Variants in LINGO1 observed in about 807,000 individuals in gnomAD.
The protein encoded by LINGO1 is leucine rich repeat and Ig domain containing 1.
LINGO1 carries 11 observed loss-of-function variants against 37.3 expected under a neutral mutation model. That is an observed-to-expected ratio of 0.29 (90% confidence interval 0.19 to 0.49). The LOEUF (loss-of-function observed/expected upper bound fraction) is 0.49, where lower values mean the gene tolerates loss of function less well. LINGO1 is among the 20% of genes least tolerant of loss of function. LINGO1 has a pLI of 0.99. For synonymous variants in LINGO1, 387 were observed against 403.0 expected (o/e 0.96, Z 0.48); for missense variants, 585 against 878.2 (o/e 0.67, Z 4.22).
Position 77,631,086 on chromosome 15 carries a change from C to T in LINGO1, c.6+1224G>A, listed in dbSNP as rs138183894. 3.9e-4 allele frequency among the ~76,000 whole-genome samples: 60 copies of T among 152,324 alleles called. No individual in the cohort carries two copies. In the East Asian group the frequency reaches 0.01, roughly 26 times the overall value. On this transcript the variant is annotated intron_variant, in intron 1 of 1. Transcript: ENST00000355300. ...CACTCTGCGCTGGATCTGGGGAAGC[C>T]CCAGGCTCTCTGCCGCCTGGGTGTC... is the stretch of plus-strand genomic sequence containing the variant.
Position 77,614,433 on chromosome 15 carries a change from T to C in LINGO1, c.1474A>G (p.Asn492Asp). Residue 492 changes from asparagine (N) to aspartate (D), a missense_variant, in exon 2 of 2, where the codon AAC becomes GAC. Physicochemically the swap from Asn to Asp is conservative, Grantham distance 23 (BLOSUM62 1). Coordinates refer to ENST00000355300, the MANE Select transcript of LINGO1 (RefSeq NM_032808.7). Reference protein sequence around the residue: ...LEVRYAQVQDNGTYLCIAANA... With the variant: ...LEVRYAQVQDDGTYLCIAANA... ...GCCGCGATGCACAGGTACGTGCCGTTGTCCTGTACCTGGGCGTAGCGCACC... is the reference window on the plus strand; with the variant it reads ...GCCGCGATGCACAGGTACGTGCCGTCGTCCTGTACCTGGGCGTAGCGCACC... 2 of 1,611,990 alleles carry C rather than the reference T, an allele frequency of 1.2e-6. No homozygotes were observed. The highest frequency in any genetic ancestry group is 1.7e-6 in the Non-Finnish European group (2 of 1,179,792).
chr15:77,673,330 G>T (rs1483703595), intron 3 of LINGO1, among the ~76,000 whole-genome samples: 4 of 151,820 alleles, frequency 2.6e-5, no homozygotes, highest in African/African-American at 9.7e-5. Flanking sequence ...ATAATGATTT[G>T]CACATATGCC....
intron 3 of LINGO1, among the ~76,000 whole-genome samples, chr15:77,639,994 G>A (rs181923873): frequency 1.4e-4 from 22 of 152,250 alleles, no homozygotes; most frequent in Admixed American, 2.6e-4. Flanking sequence ...GCAACGCTAT[G>A]GGCTCCCTTC....
In LINGO1 at chr15:77,619,702, TAAATAAAATAAAATAAAATA is replaced by T. The variant is rs138166574; in HGVS notation, c.7-3822_7-3803del. On this transcript the variant is annotated intron_variant, in intron 1 of 1. Coordinates refer to ENST00000355300, the MANE Select transcript of LINGO1 (RefSeq NM_032808.7). Reference sequence around the variant, plus strand: ...ACTCTCCATCTGTAAAAACAATAAATAAATAAAATAAAATAAAATAAAATAAAATAAAATAAAATAAAAAA... The same window carrying T: ...ACTCTCCATCTGTAAAAACAATAAATAAATAAAATAAAATAAAATAAAAAA... Among the ~76,000 whole-genome samples, 1,361 of 147,108 alleles carry T rather than the reference TAAATAAAATAAAATAAAATA, an allele frequency of 9.3e-3. 18 individuals are homozygous for T. The highest frequency in any genetic ancestry group is 0.028 in the African/African-American group (1,112 of 39,652).
intron 1 of LINGO1, among the ~76,000 whole-genome samples, chr15:77,776,518 A>AAGGCAGGAAGGGAGTAAGGGAGGG (rs1567577722): frequency 2.0e-5 from 1 of 49,578 alleles, no homozygotes; most frequent in African/African-American, 7.8e-5. Context: ...GGAAGGCAGG[A>AAGGCAGGAAGGGAGTAAGGGAGGG]AGGGAGGAAG....
At chr15:77,676,148 C>T (rs2075324123) in intron 3 of LINGO1, among the ~76,000 whole-genome samples, 1 of 152,358 alleles carries the variant, frequency 6.6e-6, no homozygotes, top group African/African-American at 2.4e-5. Context: ...CAGCCTGCGG[C>T]AGCTGGGGGA....
chr15:77,810,110 A>T (rs571813532), intron 1 of LINGO1, among the ~76,000 whole-genome samples: 17 of 152,036 alleles, frequency 1.1e-4, no homozygotes, highest in Non-Finnish European at 2.4e-4. Context: ...CTCACTATGG[A>T]CAGGAGACCA....
At chr15:77,733,178 C>T (rs1464523884) in intron 2 of LINGO1, among the ~76,000 whole-genome samples, 1 of 152,234 alleles carries the variant, frequency 6.6e-6, no homozygotes, top group Non-Finnish European at 1.5e-5. Flanking sequence ...CTGGGGCCCA[C>T]TCAGCCACCC....
intron 2 of LINGO1, among the ~76,000 whole-genome samples, chr15:77,794,594 T>A (rs1345247175): frequency 0.037 from 2,193 of 59,022 alleles, 145 homozygotes; most frequent in African/African-American, 0.093. Context: ...ATATATATTT[T>A]TTTTTTTTTT....
chr15:77,722,345 T>C (rs545012821), intron 2 of LINGO1, among the ~76,000 whole-genome samples: 16 of 152,278 alleles, frequency 1.1e-4, no homozygotes, highest in South Asian at 2.1e-4. Context: ...CAGGAGCTCC[T>C]TGCCCTAGGG....
upstream of LINGO1, among the ~76,000 whole-genome samples, chr15:77,633,046 C>T (rs866807121): frequency 6.6e-5 from 10 of 151,558 alleles, no homozygotes; most frequent in South Asian, 1.0e-3. Context: ...GGTTCGTCTC[C>T]TTTCAGCGGA....
At chr15:77,729,583 C>T (rs2076135081) in intron 2 of LINGO1, among the ~76,000 whole-genome samples, 1 of 152,210 alleles carries the variant, frequency 6.6e-6, no homozygotes, top group South Asian at 2.1e-4. Context: ...GATCTCCCTG[C>T]CTGGAGTTGG....
intron 1 of LINGO1, among the ~76,000 whole-genome samples, chr15:77,816,877 A>G (rs781105154): frequency 6.6e-6 from 1 of 152,180 alleles, no homozygotes; most frequent in Non-Finnish European, 1.5e-5. Flanking sequence ...GCGTCTTGCC[A>G]TGCTCCAGCC....
chr15:77,615,622 C>A lies in LINGO1; in HGVS notation c.285G>T (p.Pro95=). The change falls in exon 2 of 2, where the codon CCG becomes CCT. Residue 95 remains proline, a synonymous_variant. Transcript: ENST00000355300. Reference sequence around the variant, plus strand: ...CGTTGAGCTCCAGCTCCTCCAGGTGCGGGAAGCTGGCGAACTCGTCCTGGT... The same window carrying A: ...CGTTGAGCTCCAGCTCCTCCAGGTGAGGGAAGCTGGCGAACTCGTCCTGGT... ...TLNQDEFASF[P]HLEELELNEN... 2 of 1,611,688 alleles carry A rather than the reference C, an allele frequency of 1.2e-6. No individual in the cohort carries two copies. Among genetic ancestry groups the A allele is most frequent in the Non-Finnish European group, 1.7e-6 (2 of 1,179,034 alleles).
At chr15:77,753,059 T>A (rs1336856968) in intron 1 of LINGO1, among the ~76,000 whole-genome samples, 1 of 152,218 alleles carries the variant, frequency 6.6e-6, no homozygotes, top group African/African-American at 2.4e-5. Flanking sequence ...CATAGTGTCA[T>A]ATTTGCCATC....
At chr15:77,764,468 T>C (rs1462872915) in intron 1 of LINGO1, among the ~76,000 whole-genome samples, 2 of 152,174 alleles carry the variant, frequency 1.3e-5, no homozygotes, top group African/African-American at 4.8e-5. Flanking sequence ...CCAGGCTATA[T>C]AAAGAATTCT....
chr15:77,769,460 G>C (rs1567573387), intron 1 of LINGO1, among the ~76,000 whole-genome samples: 1 of 152,178 alleles, frequency 6.6e-6, no homozygotes, highest in Non-Finnish European at 1.5e-5. Context: ...TGGCAGACCT[G>C]ATGGCTGATG....
At chr15:77,627,345 C>G (rs1024533929) in intron 1 of LINGO1, among the ~76,000 whole-genome samples, 1 of 152,090 alleles carries the variant, frequency 6.6e-6, no homozygotes, top group African/African-American at 2.4e-5. Context: ...GGGAGCTGCT[C>G]CAAATTAGCC....
chr15:77,793,928 AG>A (rs1025490713), intron 2 of LINGO1, among the ~76,000 whole-genome samples: 84 of 152,332 alleles, frequency 5.5e-4, no homozygotes, highest in African/African-American at 1.9e-3. Context: ...ATGTTTGAAA[AG>A]CACCTTACAG....
Sources: gnomAD v4.1 joint callset for allele counts (sites outside exome capture counted in the v4.1 genomes callset) on GRCh38, gnomAD v4.1.1 for gene constraint, MANE v1.5 for transcripts, NCBI Gene and HGNC (gene_info 2026-07-23, HGNC 2026-07-21) for gene names.